The following CNTNAP5 variants were observed in gnomAD, a reference collection of about 807,000 sequenced individuals.
CNTNAP5 encodes the protein contactin associated protein family member 5.
CNTNAP5 carries 72 observed loss-of-function variants against 150.2 expected under a neutral mutation model. That is an observed-to-expected ratio of 0.48 (90% CI 0.40 to 0.58). The LOEUF is 0.58. CNTNAP5 is among the 20% of genes least tolerant of loss of function. The probability of loss-of-function intolerance (pLI) is 0.00; values close to 1 mark genes in which losing one functional copy is unlikely to be tolerated. For missense variants in CNTNAP5, 1,636 were observed against 1,626.2 expected (o/e 1.01, Z -0.10); for synonymous variants, 672 against 619.8 (o/e 1.08, Z -1.25).
At chr2:124,432,597 C>A (rs1288432424) in intron 4 of CNTNAP5, among the ~76,000 whole-genome samples, 1 of 152,128 alleles carries the variant, frequency 6.6e-6, no homozygotes, top group East Asian at 1.9e-4. Context: ...ACAGGGGCTA[C>A]CTAGGACACA....
At chr2:124,703,569 A>G (rs1346965470) in intron 13 of CNTNAP5, among the ~76,000 whole-genome samples, 1 of 152,094 alleles carries the variant, frequency 6.6e-6, no homozygotes, top group African/African-American at 2.4e-5. Flanking sequence ...AATTAAGTCA[A>G]CCCTTAGCAC....
chr2:124,417,073 G>A (rs1186086028), intron 3 of CNTNAP5, among the ~76,000 whole-genome samples: 2 of 151,530 alleles, frequency 1.3e-5, no homozygotes, highest in Non-Finnish European at 2.9e-5. Flanking sequence ...GGGTAGCTGG[G>A]ATTACAGGCA....
chr2:124,726,865 C>T (rs1680167134), intron 13 of CNTNAP5, among the ~76,000 whole-genome samples: 1 of 151,546 alleles, frequency 6.6e-6, no homozygotes. Flanking sequence ...TTTATTTTTA[C>T]TTTTGTTGTC....
At chr2:124,838,030 G>A (rs1215704420) in intron 19 of CNTNAP5, among the ~76,000 whole-genome samples, 2 of 152,082 alleles carry the variant, frequency 1.3e-5, no homozygotes, top group African/African-American at 4.8e-5. Flanking sequence ...AGAGGATCAA[G>A]CCTAAGCTGA....
At chr2:124,850,680 C>A (rs367793196) in intron 19 of CNTNAP5, among the ~76,000 whole-genome samples, 4 of 152,084 alleles carry the variant, frequency 2.6e-5, no homozygotes, top group Admixed American at 2.6e-4. Context: ...AGTTCCTAGA[C>A]CGAGCCCGGG....
chr2:124,357,862 A>T (rs1203807090), intron 3 of CNTNAP5, among the ~76,000 whole-genome samples: 2 of 150,234 alleles, frequency 1.3e-5, no homozygotes, highest in African/African-American at 2.5e-5. Flanking sequence ...TGGTAGCTTG[A>T]TGGGGATGGC....
chr2:124,479,992 T>TA (rs758109997), intron 7 of CNTNAP5, among the ~76,000 whole-genome samples: 4 of 152,222 alleles, frequency 2.6e-5, no homozygotes, highest in Non-Finnish European at 4.4e-5. Context: ...GAGCTATTAA[T>TA]AAAAACATCT....
intron 19 of CNTNAP5, among the ~76,000 whole-genome samples, chr2:124,843,451 A>G (rs542191410): frequency 6.6e-6 from 1 of 152,198 alleles, no homozygotes; most frequent in African/African-American, 2.4e-5. Context: ...TATTTTTGCA[A>G]TTGCAAATTT....
At chr2:124,408,899 G>A (rs1278702704) in intron 3 of CNTNAP5, among the ~76,000 whole-genome samples, 2 of 152,174 alleles carry the variant, frequency 1.3e-5, no homozygotes, top group Non-Finnish European at 2.9e-5. Flanking sequence ...TGACTTTGAC[G>A]AGCTGAGAGA....
intron 10 of CNTNAP5, among the ~76,000 whole-genome samples, chr2:124,546,841 G>T (rs537470365): frequency 6.6e-6 from 1 of 152,228 alleles, no homozygotes; most frequent in South Asian, 2.1e-4. Flanking sequence ...CACTTGACTT[G>T]TGAGCCTCCC....
intron 2 of CNTNAP5, among the ~76,000 whole-genome samples, chr2:124,238,619 C>A (rs1686809336): frequency 6.6e-6 from 1 of 152,032 alleles, no homozygotes; most frequent in Admixed American, 6.6e-5. Context: ...ATTTAAACTG[C>A]AGAGTTTATA....
intron 5 of CNTNAP5, among the ~76,000 whole-genome samples, chr2:124,436,298 T>C (rs1020813107): frequency 1.2e-4 from 18 of 152,220 alleles, no homozygotes; most frequent in African/African-American, 4.3e-4. Flanking sequence ...AAATCTAATG[T>C]TGTAAACCAG....
At chr2:124,170,722 A>G (rs143706791) in intron 1 of CNTNAP5, among the ~76,000 whole-genome samples, 81 of 152,182 alleles carry the variant, frequency 5.3e-4, no homozygotes, top group Non-Finnish European at 1.0e-3. Flanking sequence ...GGCTGCCTCT[A>G]TGGTGAAAGG....
chr2:124,616,613 C>T (rs150179684), intron 12 of CNTNAP5, among the ~76,000 whole-genome samples: 42 of 152,324 alleles, frequency 2.8e-4, no homozygotes, highest in African/African-American at 9.6e-4. Context: ...TTTGCATTCA[C>T]AACTTGGCTA....
In CNTNAP5 at chr2:124,636,996, C is replaced by A. The variant is rs184030503; in HGVS notation, c.1877-10762C>A. Among the ~76,000 whole-genome samples, 164 of 151,982 alleles carry A rather than the reference C, an allele frequency of 1.1e-3. 1 individual carries two copies. Among genetic ancestry groups the A allele is most frequent in the African/African-American group, 3.7e-3 (155 of 41,460 alleles). ...TTGTAGACACAGCGATAATTTAAAT[C>A]GAAAGACTTTAGGTTTTATCTTCTA... On this transcript the variant is annotated intron_variant, in intron 12 of 23. Transcript: ENST00000682447.
intron 12 of CNTNAP5, among the ~76,000 whole-genome samples, chr2:124,642,334 A>G (rs1003577744): frequency 2.0e-5 from 3 of 152,080 alleles, no homozygotes; most frequent in Non-Finnish European, 4.4e-5. Flanking sequence ...TTTTAACTTG[A>G]GACTTCTTTT....
intron 11 of CNTNAP5, among the ~76,000 whole-genome samples, chr2:124,603,691 C>T (rs1697034627): frequency 6.6e-6 from 1 of 152,098 alleles, no homozygotes; most frequent in Non-Finnish European, 1.5e-5. Context: ...CAGGACATGA[C>T]TTCATTCTCT....
chr2:124,527,725 G>A lies in CNTNAP5; in HGVS notation c.1649+269G>A, dbSNP rs192099292. On this transcript the variant is annotated intron_variant, in intron 10 of 23. Coordinates refer to ENST00000682447, the MANE Select transcript of CNTNAP5 (RefSeq NM_001367498.1). ...ATTTGTGAAAGGATTAAAATTTTAT[G>A]CATAAACAACATTTGATTACTTTGA... Among the ~76,000 whole-genome samples, 20 of 152,280 alleles carry A rather than the reference G, an allele frequency of 1.3e-4. No homozygotes were observed. In the East Asian group the frequency reaches 3.7e-3, roughly 28 times the overall value.
At chr2:124,036,683 C>T (rs1681230098) in intron 1 of CNTNAP5, among the ~76,000 whole-genome samples, 1 of 152,102 alleles carries the variant, frequency 6.6e-6, no homozygotes, top group African/African-American at 2.4e-5. Context: ...GTGCTTCTTT[C>T]TCGGCAGGGT....
Sources: allele counts gnomAD v4.1 joint callset (sites outside exome capture counted in the v4.1 genomes callset), GRCh38; gene constraint gnomAD v4.1.1; transcripts MANE v1.5; gene names NCBI Gene and HGNC (gene_info 2026-07-23, HGNC 2026-07-21).